Variants in CACNA1C observed in about 807,000 individuals in gnomAD.
The protein encoded by CACNA1C is voltage-dependent L-type calcium channel subunit alpha-1C.
A neutral mutation model predicts 229.0 loss-of-function variants in CACNA1C; 30 were observed. That is an observed-to-expected ratio of 0.13 (90% CI 0.10 to 0.18). The LOEUF (loss-of-function observed/expected upper bound fraction) is 0.18. Among genes scored for constraint, CACNA1C ranks in the 10% least tolerant of loss-of-function variants. The pLI, the probability that CACNA1C is intolerant of heterozygous loss-of-function variation, is 1.00. For synonymous variants in CACNA1C, 1,114 were observed against 1,132.5 expected (o/e 0.98, Z 0.33); for missense variants, 1,658 against 2,845.0 (o/e 0.58, Z 9.49).
intron 3 of CACNA1C, among the ~76,000 whole-genome samples, chr12:2,301,430 A>G (rs1188709737): frequency 1.3e-5 from 2 of 152,188 alleles, no homozygotes; most frequent in African/African-American, 4.8e-5. Context: ...TTCGCACAGA[A>G]GGTACCTGAT....
chr12:2,642,711 G>A (rs1039677634), intron 30 of CACNA1C, among the ~76,000 whole-genome samples: 2 of 152,162 alleles, frequency 1.3e-5, no homozygotes, highest in Admixed American at 6.5e-5. Flanking sequence ...TCTGGCATAA[G>A]GAATTCTTTG....
chr12:2,457,819 G>A (rs1245979498), intron 5 of CACNA1C, 113 bp downstream of exon 5: 3 of 1,013,528 alleles, frequency 3.0e-6, no homozygotes, highest in Non-Finnish European at 4.0e-6. Flanking sequence ...TAAATGGAGG[G>A]GTTTTTGTTT....
intron 3 of CACNA1C, among the ~76,000 whole-genome samples, chr12:2,367,238 T>C (rs1283133556): frequency 6.6e-6 from 1 of 152,182 alleles, no homozygotes; most frequent in Non-Finnish European, 1.5e-5. Flanking sequence ...TTCACAATAG[T>C]GCTCGAGCTC....
Position 2,106,091 on chromosome 12 carries a change from C to T in CACNA1C, c.50-9133C>T, listed in dbSNP as rs2078370571. Among the ~76,000 whole-genome samples the T allele has an allele frequency of 3.8e-5, 2 of 53,254 alleles. 1 individual carries two copies. Among genetic ancestry groups the T allele is most frequent in the African/African-American group, 1.1e-4 (2 of 17,498 alleles). 34.9% of individuals were successfully genotyped at this position (53,254 alleles called of 152,430 possible). On this transcript the variant is annotated intron_variant, in intron 1 of 46. Coordinates refer to ENST00000399655, the MANE Select transcript of CACNA1C (RefSeq NM_000719.7). ...GAAGGTTTCCACCTCAGCTGGGCGT[C>T]CTGAAGCCACTGGGCGCCCACCCTG...
chr12:2,457,224 C>G (rs1218990959), intron 4 of CACNA1C, among the ~76,000 whole-genome samples: 2 of 152,182 alleles, frequency 1.3e-5, no homozygotes, highest in East Asian at 3.9e-4. Context: ...ATGGAGAAGC[C>G]GGAGGGCTCC....
rs1025684774 is a variant in CACNA1C at position 2,678,421 on chromosome 12, C to T, written c.5091+554C>T. 1.6e-4 allele frequency among the ~76,000 whole-genome samples: 24 copies of T among 152,288 alleles called. No individual in the cohort carries two copies. In the East Asian group the frequency reaches 1.9e-3, roughly 12 times the overall value. On this transcript the variant is annotated intron_variant, in intron 41 of 46. Coordinates refer to ENST00000399655, the MANE Select transcript of CACNA1C (RefSeq NM_000719.7). This position sits in a 1 kb window ranked among gnomAD's most constrained non-coding sequence, Gnocchi z 4.1. ...TCTCCTTTCCTGGAGACTGAAGCTG[C>T]CCAGCAGTTGCAATAGTGAAAATTA...
Position 2,053,182 on chromosome 12 carries a change from C to G in CACNA1C, c.-381C>G. The G allele has an allele frequency of 1.0e-6, 1 of 996,242 alleles. No homozygotes were observed. The highest frequency in any genetic ancestry group is 1.2e-6 in the Non-Finnish European group (1 of 837,610). The allele number at this position is 996,242 out of a possible 1,614,324, so 61.7% of individuals were successfully genotyped here. A position where few individuals can be genotyped will look rare whatever the true frequency, so the allele number is the denominator to read the frequency against. ...TGGGCAGAGGCGCCTCGGCCCCTGC[C>G]GGCCCAGGCGGGCCCCGCGCGCCCC... On this transcript the variant is annotated 5_prime_UTR_variant, in exon 1 of 47. Transcript: ENST00000399655. This position sits in a 1 kb window ranked among gnomAD's most constrained non-coding sequence, Gnocchi z 5.8.
intron 3 of CACNA1C, among the ~76,000 whole-genome samples, chr12:2,217,263 T>C (rs2154345225): frequency 6.6e-6 from 1 of 152,278 alleles, no homozygotes; most frequent in South Asian, 2.1e-4. Context: ...CAGGGGGAAG[T>C]GCGGAGCTGT....
intron 4 of CACNA1C, among the ~76,000 whole-genome samples, chr12:2,455,644 T>C (rs1231977792): frequency 6.6e-6 from 1 of 152,140 alleles, no homozygotes; most frequent in Non-Finnish European, 1.5e-5. Context: ...CTTGAACCTA[T>C]GTCTGCTGGG....
At chr12:2,401,085 C>T (rs1419077841) in intron 3 of CACNA1C, among the ~76,000 whole-genome samples, 9 of 152,208 alleles carry the variant, frequency 5.9e-5, no homozygotes. Context: ...AGCTCCTGCC[C>T]ACAGCCTTCT....
At position 2,688,532 on chromosome 12, in the gene CACNA1C, C is replaced by A. The variant is rs1323011590; in HGVS notation, c.5870C>A (p.Ala1957Asp). The change falls in exon 46 of 47, where the codon GCC becomes GAC. Residue 1957 changes from alanine to aspartate, a missense_variant. Physicochemically the swap from Ala to Asp is moderately radical, Grantham distance 126 (BLOSUM62 -2). Transcript: ENST00000399655. ...CCTAGGCCTTTTGCCACCCCACCAG[C>A]CACACCTGGCAGCCGAGGCTGGCCC... The part of the protein sequence containing the change: ...SFPRPFATPP[A>D]TPGSRGWPPQ... 1 of 1,614,002 alleles carries A rather than the reference C, an allele frequency of 6.2e-7. No individual in the cohort carries two copies. The highest frequency in any genetic ancestry group is 1.1e-5 in the South Asian group (1 of 91,088).
Position 2,566,409 on chromosome 12 carries a change from G to C in CACNA1C, c.1509-13G>C, listed in dbSNP as rs746321738. 14 of 1,579,398 alleles carry C rather than the reference G, an allele frequency of 8.9e-6. No individual in the cohort carries two copies. In the African/African-American group the frequency reaches 1.5e-4, roughly 17 times the overall value. ...CAGCCAACCCCACCCTTCTCTCCCT[G>C]TCCCCTTTCCAGCCGCTACTGGCGC... On this transcript the variant is annotated splice_polypyrimidine_tract_variant and intron_variant, in intron 11 of 46. Coordinates refer to ENST00000399655, the MANE Select transcript of CACNA1C (RefSeq NM_000719.7). This position sits in a 1 kb window ranked among gnomAD's most constrained non-coding sequence, Gnocchi z 4.0.
Position 2,649,453 on chromosome 12 carries a change from G to A in CACNA1C, c.3945+946G>A, listed in dbSNP as rs1398935285. ...ACAAGGCTGCCACAGGAAAGGCTGAGCCCGGGTGCTCTACCCCGCTTCCTG... is the reference window on the plus strand; with the variant it reads ...ACAAGGCTGCCACAGGAAAGGCTGAACCCGGGTGCTCTACCCCGCTTCCTG... On this transcript the variant is annotated intron_variant, in intron 31 of 46. Transcript: ENST00000399655. This position sits in a 1 kb window ranked among gnomAD's most constrained non-coding sequence, Gnocchi z 4.4. Among the ~76,000 whole-genome samples the A allele has an allele frequency of 6.6e-6, 1 of 152,216 alleles. No individual in the cohort carries two copies.
chr12:2,311,858 G>A (rs897265472), intron 3 of CACNA1C, among the ~76,000 whole-genome samples: 3 of 152,272 alleles, frequency 2.0e-5, no homozygotes, highest in South Asian at 2.1e-4. Flanking sequence ...GCATAATAAC[G>A]TGAATATACT....
At chr12:2,553,937 G>A (rs1305753102) in intron 10 of CACNA1C, among the ~76,000 whole-genome samples, 1 of 152,222 alleles carries the variant, frequency 6.6e-6, no homozygotes, top group Non-Finnish European at 1.5e-5. Context: ...AGAGCTGTGG[G>A]GGAGAGGACG....
intron 2 of CACNA1C, among the ~76,000 whole-genome samples, chr12:2,118,285 G>T (rs1475197747): frequency 6.6e-6 from 1 of 152,168 alleles, no homozygotes; most frequent in Non-Finnish European, 1.5e-5. Flanking sequence ...CTGGGTTGTT[G>T]CATCCTTGTC....
chr12:2,606,640 C>T lies in CACNA1C; in HGVS notation c.3186C>T (p.Ser1062=), dbSNP rs1249848330. Residue 1062 remains serine, a synonymous_variant, in exon 25 of 47, where the codon TCC becomes TCT. Transcript: ENST00000399655. ...AGCTGTACACCTGTTCAGACAGTTC[C>T]AAGCAGACAGAGGCGGAATGCAAGT... ...KGKLYTCSDS[S]KQTEAECKGN... 1 of 1,609,238 alleles carries T rather than the reference C, an allele frequency of 6.2e-7. No individual in the cohort carries two copies. Among genetic ancestry groups the T allele is most frequent in the South Asian group, 1.1e-5 (1 of 89,576 alleles).
At chr12:2,238,619 G>A (rs746863233) in intron 3 of CACNA1C, among the ~76,000 whole-genome samples, 1 of 152,202 alleles carries the variant, frequency 6.6e-6, no homozygotes, top group African/African-American at 2.4e-5. Flanking sequence ...GACCTACCAA[G>A]TGCCCTCTGA....
In CACNA1C at chr12:2,691,466, G is replaced by T. The variant is rs752736296; in HGVS notation, c.*267G>T. On this transcript the variant is annotated 3_prime_UTR_variant, in exon 47 of 47. Coordinates refer to ENST00000399655, the MANE Select transcript of CACNA1C (RefSeq NM_000719.7). ...TGCCCTCTCCCAGCTCGCAGGCCCC[G>T]GGCCCGGCCGCGCCTCCGCGGGGAG... 9 of 372,564 alleles carry T rather than the reference G, an allele frequency of 2.4e-5. No homozygotes were observed. Among genetic ancestry groups the T allele is most frequent in the African/African-American group, 4.2e-5 (2 of 47,718 alleles). The allele number at this position is 372,564 out of a possible 1,614,324, so 23.1% of individuals were successfully genotyped here. A position where few individuals can be genotyped will look rare whatever the true frequency, so the allele number is the denominator to read the frequency against.
Sources: allele counts gnomAD v4.1 joint callset (sites outside exome capture counted in the v4.1 genomes callset), GRCh38; gene constraint gnomAD v4.1.1; non-coding constraint Gnocchi (gnomAD v3.1); transcripts MANE v1.5; gene names NCBI Gene and HGNC (gene_info 2026-07-23, HGNC 2026-07-21).